The following GRM7 variants were observed in gnomAD, a reference collection of about 807,000 sequenced individuals.
The protein encoded by GRM7 is metabotropic glutamate receptor 7.
Under a neutral mutation model 84.5 loss-of-function variants are expected in GRM7, and 35 were observed. That is an observed-to-expected ratio of 0.41 (90% CI 0.32 to 0.55). The LOEUF is 0.55. GRM7 is among the 20% of genes least tolerant of loss of function. The pLI, the probability that GRM7 is intolerant of heterozygous loss-of-function variation, is 0.19. For missense variants in GRM7, 1,003 were observed against 1,194.6 expected, an observed-to-expected ratio of 0.84 and a Z score of 2.36; for synonymous variants, 487 against 455.1, an observed-to-expected ratio of 1.07 and a Z score of -0.89.
At chr3:7,615,698 A>G (rs1341826380) in intron 8 of GRM7, among the ~76,000 whole-genome samples, 2 of 152,100 alleles carry the variant, frequency 1.3e-5, no homozygotes, top group Non-Finnish European at 2.9e-5. Context: ...GTTTTCCAGA[A>G]TAAGCAGATG....
At chr3:7,615,642 G>A (rs1363776856) in intron 8 of GRM7, among the ~76,000 whole-genome samples, 4 of 151,990 alleles carry the variant, frequency 2.6e-5, no homozygotes, top group Admixed American at 6.6e-5. Context: ...AGTCTTCCTA[G>A]GTTATGGCCC....
chr3:7,127,380 C>T (rs1446401608), intron 1 of GRM7, among the ~76,000 whole-genome samples: 1 of 152,182 alleles, frequency 6.6e-6, no homozygotes, highest in East Asian at 1.9e-4. Context: ...TTCCCCACCA[C>T]TACAAAGAAA....
At chr3:7,274,000 T>A (rs946860111) in intron 2 of GRM7, among the ~76,000 whole-genome samples, 1 of 152,122 alleles carries the variant, frequency 6.6e-6, no homozygotes. Context: ...ATGATTCAAT[T>A]TTCTTTATTA....
rs189894356 is a variant in GRM7 at position 6,933,242 on chromosome 3, A to C, written c.519+71335A>C. Among the ~76,000 whole-genome samples, 240 of 152,316 alleles carry C rather than the reference A, an allele frequency of 1.6e-3. 1 individual carries two copies. The highest frequency in any genetic ancestry group is 5.1e-3 in the African/African-American group (214 of 41,574). ...ATTATATTATAGCACTTGAGAGAGA[A>C]GTAGTGCTTTTTGTTGGCCCCTATG... On this transcript the variant is annotated intron_variant, in intron 1 of 9. Transcript: ENST00000357716.
intron 9 of GRM7, among the ~76,000 whole-genome samples, chr3:7,690,278 G>A (rs576564528): frequency 1.3e-5 from 2 of 152,116 alleles, no homozygotes; most frequent in South Asian, 2.1e-4. Context: ...ACTAGGCTGT[G>A]AGAAAATGTG....
intron 7 of GRM7, among the ~76,000 whole-genome samples, chr3:7,462,963 A>C (rs1698310026): frequency 6.6e-6 from 1 of 152,080 alleles, no homozygotes; most frequent in Admixed American, 6.5e-5. Flanking sequence ...AGGAGAAAAT[A>C]AAAACAACAC....
chr3:7,089,261 C>T (rs1698575901), intron 1 of GRM7, among the ~76,000 whole-genome samples: 1 of 151,996 alleles, frequency 6.6e-6, no homozygotes, highest in African/African-American at 2.4e-5. Context: ...CATAAAATAT[C>T]AAGTCATAAA....
chr3:7,435,448 G>T (rs1380628010), intron 5 of GRM7, among the ~76,000 whole-genome samples: 1 of 151,894 alleles, frequency 6.6e-6, no homozygotes, highest in East Asian at 1.9e-4. Flanking sequence ...GAGCCATTGT[G>T]CCCAGCTATG....
chr3:7,226,756 C>G (rs1696996054), intron 2 of GRM7, among the ~76,000 whole-genome samples: 1 of 152,108 alleles, frequency 6.6e-6, no homozygotes. Flanking sequence ...GTTGCTTTCC[C>G]CATTTATCTA....
At chr3:7,445,190 A>C (rs1165931685) in intron 5 of GRM7, among the ~76,000 whole-genome samples, 1 of 152,208 alleles carries the variant, frequency 6.6e-6, no homozygotes, top group Non-Finnish European at 1.5e-5. Context: ...ATGTAAATAA[A>C]AATCATGGCC....
intron 9 of GRM7, among the ~76,000 whole-genome samples, chr3:7,708,660 CAG>C (rs1251020707): frequency 6.6e-6 from 1 of 152,012 alleles, no homozygotes; most frequent in Non-Finnish European, 1.5e-5. Flanking sequence ...GGAAGAGGGA[CAG>C]AAAGAGTTTG....
intron 7 of GRM7, among the ~76,000 whole-genome samples, chr3:7,510,143 C>T (rs1700156244): frequency 6.6e-6 from 1 of 152,118 alleles, no homozygotes. Context: ...TACCTTTCCC[C>T]CAGTAAGTTT....
chr3:7,555,596 T>C (rs1257283454), intron 7 of GRM7, among the ~76,000 whole-genome samples: 1 of 152,244 alleles, frequency 6.6e-6, no homozygotes, highest in Non-Finnish European at 1.5e-5. Context: ...AATGGCAAAT[T>C]AAAACATTGT....
rs1694745681 is a variant in GRM7 at position 6,861,324 on chromosome 3, G to T, written c.-65G>T. The T allele has an allele frequency of 2.9e-6, 4 of 1,386,210 alleles. No homozygotes were observed. Among genetic ancestry groups the T allele is most frequent in the Non-Finnish European group, 3.8e-6 (4 of 1,064,574 alleles). The allele number at this position is 1,386,210 out of a possible 1,614,324, so 85.9% of individuals were successfully genotyped here. A position where few individuals can be genotyped will look rare whatever the true frequency, so the allele number is the denominator to read the frequency against. On this transcript the variant is annotated 5_prime_UTR_variant, in exon 1 of 10. Transcript: ENST00000357716. This position sits in a 1 kb window ranked among gnomAD's most constrained non-coding sequence, Gnocchi z 6.4. Reference sequence around the variant, plus strand: ...GGAGGAGCTCGCCCTGAAGGGCCCGGACCTCGGCGAGCCCACCACCGTTCC... The same window carrying T: ...GGAGGAGCTCGCCCTGAAGGGCCCGTACCTCGGCGAGCCCACCACCGTTCC...
intron 2 of GRM7, among the ~76,000 whole-genome samples, chr3:7,192,988 GC>G (rs1194183439): frequency 1.3e-5 from 2 of 151,982 alleles, no homozygotes; most frequent in African/African-American, 4.8e-5. Context: ...CCCCTTCAAT[GC>G]CTGCATTCTC....
intron 7 of GRM7, among the ~76,000 whole-genome samples, chr3:7,489,968 GTATATACCCTCTAAAAT>G (rs1699462436): frequency 6.6e-6 from 1 of 151,576 alleles, no homozygotes; most frequent in Admixed American, 6.6e-5. Context: ...ATTAAAATAT[GTATATACCCTCTAAAAT>G]TATATACCCT....
At chr3:7,208,722 C>T (rs932737080) in intron 2 of GRM7, among the ~76,000 whole-genome samples, 1 of 152,174 alleles carries the variant, frequency 6.6e-6, no homozygotes, top group African/African-American at 2.4e-5. Flanking sequence ...AAAACACATT[C>T]TTTCATTTAA....
intron 1 of GRM7, among the ~76,000 whole-genome samples, chr3:6,992,160 A>T (rs1475823614): frequency 6.6e-6 from 1 of 152,146 alleles, no homozygotes; most frequent in Non-Finnish European, 1.5e-5. Flanking sequence ...TGTCCAGGAA[A>T]ATGACTCTTA....
chr3:7,103,753 T>TTTCTCTTTCTCTCTCTCC (rs1699189955), intron 1 of GRM7, among the ~76,000 whole-genome samples: 3 of 14,386 alleles, frequency 2.1e-4, no homozygotes, highest in African/African-American at 9.8e-4. Context: ...TCTCTCCCTT[T>TTTCTCTTTCTCTCTCTCC]CTTTCTTTCT....
Sources: allele counts gnomAD v4.1 joint callset (sites outside exome capture counted in the v4.1 genomes callset), GRCh38; gene constraint gnomAD v4.1.1; non-coding constraint Gnocchi (gnomAD v3.1); transcripts MANE v1.5; gene names NCBI Gene and HGNC (gene_info 2026-07-23, HGNC 2026-07-21).